CDH12: variants seen among roughly 807,000 people sequenced by gnomAD.
The protein encoded by CDH12 is cadherin 12.
CDH12 carries 41 observed loss-of-function variants against 74.1 expected under a neutral mutation model. The observed-to-expected ratio is 0.55, with a 90% CI of 0.43 to 0.72. CDH12 has a LOEUF of 0.72. CDH12 is among the 30% of genes least tolerant of loss of function. The probability of loss-of-function intolerance (pLI) is 0.00; values close to 1 mark genes in which losing one functional copy is unlikely to be tolerated. For missense variants in CDH12, 945 were observed against 977.2 expected (o/e 0.97, Z 0.44); for synonymous variants, 399 against 355.0 (o/e 1.12, Z -1.39).
chr5:22,652,655 TATC>T (rs1739802743), intron 1 of CDH12, among the ~76,000 whole-genome samples: 1 of 152,198 alleles, frequency 6.6e-6, no homozygotes, highest in South Asian at 2.1e-4. Context: ...GCAGAGCAGA[TATC>T]AAATATAGAC....
chr5:22,700,453 G>GTAT (rs1392423895), intron 1 of CDH12, among the ~76,000 whole-genome samples: 1 of 152,160 alleles, frequency 6.6e-6, no homozygotes, highest in Non-Finnish European at 1.5e-5. Context: ...AAGGCCTGAT[G>GTAT]TATTACTTTA....
At chr5:21,969,831 C>A (rs1044324662) in intron 6 of CDH12, among the ~76,000 whole-genome samples, 2 of 152,010 alleles carry the variant, frequency 1.3e-5, no homozygotes, top group Admixed American at 6.6e-5. Flanking sequence ...AAAACCATGG[C>A]CCACCCAATA....
chr5:22,675,697 C>T (rs1321313571), intron 1 of CDH12, among the ~76,000 whole-genome samples: 1 of 151,858 alleles, frequency 6.6e-6, no homozygotes, highest in Non-Finnish European at 1.5e-5. Context: ...TGAGACATGC[C>T]TTTCACCTTC....
At chr5:21,995,970 T>C (rs1736264141) in intron 5 of CDH12, among the ~76,000 whole-genome samples, 1 of 152,066 alleles carries the variant, frequency 6.6e-6, no homozygotes, top group African/African-American at 2.4e-5. Context: ...CTTCCCTGAG[T>C]AGTCGGCATA....
intron 3 of CDH12, among the ~76,000 whole-genome samples, chr5:22,260,627 C>A (rs886711747): frequency 2.6e-5 from 4 of 151,904 alleles, no homozygotes; most frequent in Non-Finnish European, 5.9e-5. Flanking sequence ...AAATGTAATT[C>A]TTACCAGCAC....
At chr5:22,810,656 C>T (rs1170233748) in intron 1 of CDH12, among the ~76,000 whole-genome samples, 1 of 152,012 alleles carries the variant, frequency 6.6e-6, no homozygotes, top group African/African-American at 2.4e-5. Flanking sequence ...GGGGAAGAAT[C>T]GCTTGATGTC....
chr5:22,821,725 TAA>T (rs1749710747), intron 1 of CDH12, among the ~76,000 whole-genome samples: 1 of 150,982 alleles, frequency 6.6e-6, no homozygotes, highest in Admixed American at 6.6e-5. Flanking sequence ...CTCAATGAAA[TAA>T]AAGAGGATAC....
At chr5:21,946,159 C>A (rs1248179559) in intron 6 of CDH12, among the ~76,000 whole-genome samples, 1 of 151,994 alleles carries the variant, frequency 6.6e-6, no homozygotes, top group Non-Finnish European at 1.5e-5. Context: ...AAATTCAATA[C>A]CCAGCAATAA....
chr5:21,918,970 G>A (rs1260874831), intron 6 of CDH12, among the ~76,000 whole-genome samples: 1 of 151,980 alleles, frequency 6.6e-6, no homozygotes, highest in Admixed American at 6.6e-5. Flanking sequence ...ATCTAAATTA[G>A]ATGCTTGAAA....
intron 1 of CDH12, among the ~76,000 whole-genome samples, chr5:22,585,417 C>G (rs191901005): frequency 6.6e-6 from 1 of 152,116 alleles, no homozygotes; most frequent in African/African-American, 2.4e-5. Flanking sequence ...TGGAGCTTCA[C>G]GAATCTATGG....
chr5:22,162,589 C>T (rs1296805578), intron 4 of CDH12, among the ~76,000 whole-genome samples: 7 of 152,242 alleles, frequency 4.6e-5, no homozygotes, highest in Middle Eastern at 3.4e-3. Context: ...TCACATGTGG[C>T]TTGCCAGTGT....
intron 1 of CDH12, among the ~76,000 whole-genome samples, chr5:22,573,278 A>G (rs931465363): frequency 1.3e-5 from 2 of 152,174 alleles, no homozygotes; most frequent in Non-Finnish European, 2.9e-5. Context: ...ATATACATAA[A>G]TCATACCTAT....
At chr5:22,586,837 ATTTTTTTT>A (rs11417237) in intron 1 of CDH12, among the ~76,000 whole-genome samples, 23 of 105,432 alleles carry the variant, frequency 2.2e-4, no homozygotes, top group East Asian at 2.0e-3. Flanking sequence ...TTAGAGGAGG[ATTTTTTTT>A]TTTTTTTTTT....
chr5:22,306,264 G>A (rs1738107701), intron 3 of CDH12, among the ~76,000 whole-genome samples: 3 of 152,058 alleles, frequency 2.0e-5, no homozygotes, highest in Admixed American at 1.3e-4. Context: ...TGTAACAAAG[G>A]AATGCACAAT....
chr5:22,369,700 C>T (rs951357124), intron 3 of CDH12, among the ~76,000 whole-genome samples: 7 of 152,082 alleles, frequency 4.6e-5, no homozygotes, highest in African/African-American at 1.7e-4. Flanking sequence ...TTAAGCTCTT[C>T]GAACACACAA....
intron 4 of CDH12, among the ~76,000 whole-genome samples, chr5:22,140,448 A>G (rs550762018): frequency 1.5e-5 from 2 of 134,040 alleles, no homozygotes; most frequent in Admixed American, 1.6e-4. Context: ...AAGTAAAAAG[A>G]GAAGTAAGTT....
At chr5:22,747,988 A>G (rs956387401) in intron 1 of CDH12, among the ~76,000 whole-genome samples, 1 of 152,246 alleles carries the variant, frequency 6.6e-6, no homozygotes, top group Non-Finnish European at 1.5e-5. Context: ...AAGAGCACAC[A>G]TTCACTATAA....
chr5:21,880,559 CTTCCCTTCTTTCT>C (rs1272487467), intron 6 of CDH12, among the ~76,000 whole-genome samples: 1 of 119,574 alleles, frequency 8.4e-6, no homozygotes, highest in African/African-American at 3.2e-5. Context: ...TCCTTCCTTC[CTTCCCTTCTTTCT>C]TTCCTTCCTT....
At chr5:22,843,947 G>A (rs984787060) in intron 1 of CDH12, among the ~76,000 whole-genome samples, 7 of 151,980 alleles carry the variant, frequency 4.6e-5, no homozygotes, top group African/African-American at 1.7e-4. Flanking sequence ...GTGTAGGGCT[G>A]TGTCTTTTTG....
Sources: gnomAD v4.1 joint callset for allele counts (sites outside exome capture counted in the v4.1 genomes callset) on GRCh38, gnomAD v4.1.1 for gene constraint, MANE v1.5 for transcripts, NCBI Gene and HGNC (gene_info 2026-07-23, HGNC 2026-07-21) for gene names.